GAK: variants seen among roughly 807,000 people sequenced by gnomAD.
GAK encodes cyclin G associated kinase.
In GAK, 79 loss-of-function variants were observed where a neutral mutation model predicts 143.9. The observed-to-expected ratio is 0.55, with a 90% CI of 0.46 to 0.66. GAK has a LOEUF of 0.66. Among genes scored for constraint, GAK ranks in the 30% least tolerant of loss-of-function variants. The pLI is 0.00. For synonymous variants in GAK, 881 were observed against 765.5 expected, an observed-to-expected ratio of 1.15 and a Z score of -2.49; for missense variants, 1,693 against 1,779.7, an observed-to-expected ratio of 0.95 and a Z score of 0.88.
At chr4:876,889 TTTC>T in intron 17 of GAK, among the ~76,000 whole-genome samples, 198 bp downstream of exon 17, 1 of 152,238 alleles carries the variant, frequency 6.6e-6, no homozygotes, top group Non-Finnish European at 1.5e-5. Flanking sequence ...ACGCCAGGCT[TTTC>T]AGGTTGAGAT....
At chr4:891,956 T>C (rs1239793120) in intron 9 of GAK, among the ~76,000 whole-genome samples, 1 of 151,976 alleles carries the variant, frequency 6.6e-6, no homozygotes, top group Non-Finnish European at 1.5e-5. Context: ...GCACCAGGGC[T>C]CCCTCTGCTG....
intron 6 of GAK, among the ~76,000 whole-genome samples, chr4:897,818 GTGT>G: frequency 6.6e-6 from 1 of 152,194 alleles, no homozygotes; most frequent in Non-Finnish European, 1.5e-5. Flanking sequence ...GCGTGGTGGT[GTGT>G]GCCTGTAACC....
intron 24 of GAK, chr4:859,202 C>T (rs1749822912): frequency 1.0e-6 from 1 of 985,292 alleles, no homozygotes; most frequent in Non-Finnish European, 1.2e-6. Context: ...GAGGCAGACG[C>T]AGGACTGGAG....
At chr4:862,792 G>T (rs7697252) in intron 23 of GAK, among the ~76,000 whole-genome samples, 8,843 of 152,262 alleles carry the variant, frequency 0.058, 292 homozygotes, top group Middle Eastern at 0.088. Context: ...CTACAGCTCA[G>T]AAAAAAGATT....
chr4:890,918 C>T (rs566393617), intron 9 of GAK, among the ~76,000 whole-genome samples: 1 of 151,966 alleles, frequency 6.6e-6, no homozygotes, highest in South Asian at 2.1e-4. Flanking sequence ...TTTTCCTTTT[C>T]TCTCTCTTCC....
At chr4:890,674 T>C (rs750131968) in intron 9 of GAK, 52 bp from the exon 10 acceptor site, 2 of 1,496,720 alleles carry the variant, frequency 1.3e-6, no homozygotes, top group Non-Finnish European at 1.8e-6. Context: ...AACTCACGCC[T>C]GCCCACGTCG....
chr4:873,556 C>T (rs980547110), intron 18 of GAK, among the ~76,000 whole-genome samples: 5 of 152,088 alleles, frequency 3.3e-5, no homozygotes, highest in African/African-American at 4.8e-5. Flanking sequence ...GGGAGAGAGG[C>T]GGCCATCAGC....
intron 7 of GAK, chr4:894,229 A>C: frequency 3.1e-6 from 1 of 322,806 alleles, no homozygotes; most frequent in East Asian, 6.4e-5. Context: ...TGCGGGAACA[A>C]CAGGGGTGAC....
intron 2 of GAK, among the ~76,000 whole-genome samples, chr4:913,136 C>T (rs1722335944): frequency 6.6e-6 from 1 of 152,224 alleles, no homozygotes; most frequent in Non-Finnish European, 1.5e-5. Flanking sequence ...CCACTCATGC[C>T]CACTCTCAAA....
intron 24 of GAK, among the ~76,000 whole-genome samples, chr4:855,531 G>A (rs1026050975): frequency 5.3e-5 from 8 of 152,210 alleles, no homozygotes; most frequent in Non-Finnish European, 1.0e-4. Context: ...TCTGCAGACA[G>A]GAGTAATTTT....
intron 18 of GAK, among the ~76,000 whole-genome samples, chr4:871,841 T>C (rs903776710): frequency 6.6e-6 from 1 of 152,186 alleles, no homozygotes; most frequent in East Asian, 1.9e-4. Context: ...CCTATGATCA[T>C]CTCTGATCCC....
At chr4:868,710 G>T in intron 19 of GAK, 25 bp from the exon 20 acceptor site, 1 of 1,542,970 alleles carries the variant, frequency 6.5e-7, no homozygotes. Flanking sequence ...GGGCGTCAGG[G>T]CACTGGCACT....
chr4:895,879 C>T (rs954245581), intron 7 of GAK, among the ~76,000 whole-genome samples: 3 of 152,196 alleles, frequency 2.0e-5, no homozygotes, highest in Admixed American at 6.5e-5. Flanking sequence ...AGATGCACAA[C>T]AAGCCATGGA....
chr4:874,898 C>T (rs911301272), intron 18 of GAK, among the ~76,000 whole-genome samples: 8 of 152,182 alleles, frequency 5.3e-5, no homozygotes, highest in East Asian at 1.9e-4. Flanking sequence ...TTCTTCTCTG[C>T]GCTGCTGTCA....
At chr4:858,558 C>T (rs1044730510) in intron 24 of GAK, among the ~76,000 whole-genome samples, 3 of 152,226 alleles carry the variant, frequency 2.0e-5, no homozygotes, top group Non-Finnish European at 1.5e-5. Context: ...AAATAAAATA[C>T]AAAACCACAC....
chr4:857,544 G>C (rs1479310893), intron 24 of GAK, among the ~76,000 whole-genome samples: 2 of 152,202 alleles, frequency 1.3e-5, no homozygotes, highest in African/African-American at 4.8e-5. Context: ...GCAGGAACTG[G>C]TTTTGAGGAA....
intron 4 of GAK, among the ~76,000 whole-genome samples, chr4:910,052 G>A (rs1721772668): frequency 6.6e-6 from 1 of 152,150 alleles, no homozygotes; most frequent in Admixed American, 6.5e-5. Context: ...GCCAGGTGTG[G>A]CATCAAGGAA....
At chr4:870,950 C>CTGTA (rs1028364768) in intron 18 of GAK, 46 bp from the exon 19 acceptor site, 1 of 1,496,306 alleles carries the variant, frequency 6.7e-7, no homozygotes, top group African/African-American at 1.4e-5. Context: ...CCCAAGTAGT[C>CTGTA]TGTAAGTCCT....
chr4:896,659 C>T, intron 6 of GAK, 110 bp from the exon 7 acceptor site: 3 of 822,556 alleles, frequency 3.6e-6, no homozygotes, highest in Non-Finnish European at 6.1e-6. Context: ...TGAGGGGCAG[C>T]CTGTCCCGCA....
Sources: allele counts gnomAD v4.1 joint callset (sites outside exome capture counted in the v4.1 genomes callset), GRCh38; gene constraint gnomAD v4.1.1; transcripts MANE v1.5; gene names NCBI Gene and HGNC (gene_info 2026-07-23, HGNC 2026-07-21).